RANGAP1: variants seen among roughly 807,000 people sequenced by gnomAD.
The protein encoded by RANGAP1 is Ran GTPase activating protein 1, also known as ran GTPase-activating protein 1.
Under a neutral mutation model 63.5 loss-of-function variants are expected in RANGAP1, and 38 were observed. The ratio of observed to expected loss-of-function variants is 0.60; its 90% confidence interval spans 0.46 to 0.78. The LOEUF is 0.78. Among genes scored for constraint, RANGAP1 ranks in the 30% least tolerant of loss-of-function variants. The pLI, the probability that RANGAP1 is intolerant of heterozygous loss-of-function variation, is 0.00. For synonymous variants in RANGAP1, 329 were observed against 310.5 expected, an observed-to-expected ratio of 1.06 and a Z score of -0.63; for missense variants, 630 against 740.3, an observed-to-expected ratio of 0.85 and a Z score of 1.73.
At chr22:41,302,223 T>G in the RANGAP1 span, among the ~76,000 whole-genome samples, 1 of 151,264 alleles carries the variant, frequency 6.6e-6, no homozygotes, top group African/African-American at 2.4e-5. The surrounding 1 kb of genome is among the most constrained non-coding windows in gnomAD (Gnocchi z 5.7). Flanking sequence ...CCCCTTCCTT[T>G]TGTGTTGTCC....
At position 41,264,863 on chromosome 22, in the gene RANGAP1, G is replaced by T; in HGVS notation, c.301-20C>A. The T allele has an allele frequency of 6.3e-7, 1 of 1,584,596 alleles. No homozygotes were observed. The highest frequency in any genetic ancestry group is 1.3e-5 in the African/African-American group (1 of 74,582). ...TGAGATCTGGGCACAGAGGAAGCTC[G>T]TGTCAGTTTCATAGACACCCAGCTT... On this transcript the variant is annotated intron_variant, in intron 4 of 15. Coordinates refer to ENST00000356244, the MANE Select transcript of RANGAP1 (RefSeq NM_002883.4).
chr22:41,301,516 A>T, the RANGAP1 span: 1 of 151,932 alleles, frequency 6.6e-6, no homozygotes, highest in Non-Finnish European at 1.5e-5. Context: ...GAGGAGGAAG[A>T]GCTGCAGGGA....
chr22:41,286,590 C>G (rs911820524), upstream of RANGAP1, among the ~76,000 whole-genome samples: 1 of 152,256 alleles, frequency 6.6e-6, no homozygotes, highest in Non-Finnish European at 1.5e-5. Flanking sequence ...TTGGGCAAGA[C>G]ACAGGTATCC....
At chr22:41,266,898 T>TTTTTTTTTTA (rs1555938562) in intron 4 of RANGAP1, among the ~76,000 whole-genome samples, 5 of 151,094 alleles carry the variant, frequency 3.3e-5, no homozygotes, top group Admixed American at 6.6e-5. Flanking sequence ...CTTTTTTTTT[T>TTTTTTTTTTA]GAGACGGAGT....
intron 11 of RANGAP1, among the ~76,000 whole-genome samples, 200 bp downstream of exon 11, chr22:41,254,108 C>CA (rs369676930): frequency 1.8e-3 from 191 of 103,592 alleles, no homozygotes; most frequent in East Asian, 7.0e-3. Context: ...GACTCCATCT[C>CA]AAAAAAAAAA....
intron 10 of RANGAP1, among the ~76,000 whole-genome samples, chr22:41,255,165 C>T (rs1204920661): frequency 6.6e-6 from 1 of 152,190 alleles, no homozygotes; most frequent in African/African-American, 2.4e-5. Flanking sequence ...CAGGAAGCTA[C>T]AGGTGTGGGG....
In RANGAP1 at chr22:41,254,450, T is replaced by A. The variant is rs569951857; in HGVS notation, c.1118A>T (p.Glu373Val). The A allele has an allele frequency of 6.2e-7, 1 of 1,610,544 alleles. No individual in the cohort carries two copies. The highest frequency in any genetic ancestry group is 8.5e-7 in the Non-Finnish European group (1 of 1,178,928). ...EEEEEEGEEE[E>V]EEAEEEEEED... ...CTCCTCCTCTTCTTCTGCTTCCTCT[T>A]CTTCCTCTTCTCCTTCCTCCTCCTC... Residue 373 changes from glutamate (E) to valine (V), a missense_variant, in exon 11 of 16, where the codon GAA becomes GTA. Physicochemically the swap from Glu to Val is moderately radical, Grantham distance 121. This residue lies in a region of RANGAP1 where 428 missense variants were observed against 465.5 expected (regional missense o/e 0.92). Coordinates refer to ENST00000356244, the MANE Select transcript of RANGAP1 (RefSeq NM_002883.4).
the RANGAP1 span, among the ~76,000 whole-genome samples, chr22:41,295,371 T>C: frequency 9.2e-4 from 140 of 152,092 alleles, 1 homozygote; most frequent in East Asian, 2.9e-3. Flanking sequence ...TTCTTCTGCC[T>C]TGGGATCCTG....
At chr22:41,282,000 A>G (rs1265065323) in intron 1 of RANGAP1, 1 of 152,208 alleles carries the variant, frequency 6.6e-6, no homozygotes, top group East Asian at 1.9e-4. Context: ...GGTGTGCACC[A>G]GTAATCCCAG....
chr22:41,270,062 C>T (rs947490593), intron 3 of RANGAP1, among the ~76,000 whole-genome samples: 14 of 150,582 alleles, frequency 9.3e-5, no homozygotes, highest in African/African-American at 2.7e-4. Context: ...CTTGAACTCT[C>T]GACCTCAGGT....
At chr22:41,269,919 C>T (rs1218078469) in intron 3 of RANGAP1, among the ~76,000 whole-genome samples, 1 of 152,134 alleles carries the variant, frequency 6.6e-6, no homozygotes. Context: ...CTGCAATCTC[C>T]GCCTCCCAGG....
At chr22:41,296,205 A>C in the RANGAP1 span, among the ~76,000 whole-genome samples, 1 of 152,088 alleles carries the variant, frequency 6.6e-6, no homozygotes, top group Non-Finnish European at 1.5e-5. Context: ...AAAAATAATA[A>C]CCTAAGCAAA....
Position 41,257,256 on chromosome 22 carries a change from C to A in RANGAP1, c.775-432G>T, listed in dbSNP as rs1032260591. On this transcript the variant is annotated intron_variant, in intron 7 of 15. Transcript: ENST00000356244. This position sits in a 1 kb window ranked among gnomAD's most constrained non-coding sequence, Gnocchi z 4.0. ...CAACACCTGCACACATCTCTGCTAA[C>A]ACACAGGCAGCCGGACTAGCCTTCT... 1.3e-5 allele frequency among the ~76,000 whole-genome samples: 2 copies of A among 152,226 alleles called. No homozygotes were observed. The highest frequency in any genetic ancestry group is 2.9e-5 in the Non-Finnish European group (2 of 68,052).
chr22:41,266,748 G>A (rs1482292479), intron 4 of RANGAP1, among the ~76,000 whole-genome samples: 1 of 152,192 alleles, frequency 6.6e-6, no homozygotes, highest in African/African-American at 2.4e-5. Flanking sequence ...TGGCCAGGCT[G>A]GTCTCCAACT....
At chr22:41,255,931 G>T in intron 10 of RANGAP1, 90 bp downstream of exon 10, 1 of 1,328,208 alleles carries the variant, frequency 7.5e-7, no homozygotes. Flanking sequence ...TTTAGCCTGG[G>T]GAACAGAGCA....
intron 4 of RANGAP1, among the ~76,000 whole-genome samples, chr22:41,266,183 CAGAG>C (rs1420888469): frequency 1.4e-5 from 2 of 145,570 alleles, no homozygotes; most frequent in African/African-American, 5.1e-5. Context: ...GCCTGGGAAA[CAGAG>C]TGAGACTCCG....
chr22:41,297,917 TG>T, the RANGAP1 span, among the ~76,000 whole-genome samples: 2 of 151,422 alleles, frequency 1.3e-5, no homozygotes, highest in Non-Finnish European at 2.9e-5. Context: ...AGGAGTGCAG[TG>T]GAACGATCTC....
At chr22:41,281,720 G>T (rs988390397) in intron 1 of RANGAP1, 1 of 851,366 alleles carries the variant, frequency 1.2e-6, no homozygotes, top group Non-Finnish European at 1.4e-6. Flanking sequence ...ATAGGACAGG[G>T]ACAGGGCTGC....
At chr22:41,287,413 T>C (rs2035779124), upstream of RANGAP1, among the ~76,000 whole-genome samples, 1 of 151,292 alleles carries the variant, frequency 6.6e-6, no homozygotes, top group African/African-American at 2.4e-5. Context: ...GTTTCACTCT[T>C]GTTGCCCATC....
Sources: gnomAD v4.1 joint callset for allele counts (sites outside exome capture counted in the v4.1 genomes callset) on GRCh38, gnomAD v4.1.1 for gene constraint, gnomAD v4.1.1 regional missense constraint, Gnocchi (gnomAD v3.1) non-coding constraint, MANE v1.5 for transcripts, NCBI Gene and HGNC (gene_info 2026-07-23, HGNC 2026-07-21) for gene names.